The following ARID4A variants were observed in gnomAD, a reference collection of about 807,000 sequenced individuals.
The protein encoded by ARID4A is AT-rich interactive domain-containing protein 4A.
ARID4A carries 39 observed loss-of-function variants against 148.6 expected under a neutral mutation model. The observed-to-expected ratio is 0.26, with a 90% CI of 0.20 to 0.34. The LOEUF is 0.34. Among genes scored for constraint, ARID4A ranks in the 10% least tolerant of loss-of-function variants. The probability of loss-of-function intolerance (pLI) is 1.00; values close to 1 mark genes in which losing one functional copy is unlikely to be tolerated. For synonymous variants in ARID4A, 475 were observed against 481.2 expected (o/e 0.99, Z 0.17); for missense variants, 1,265 against 1,449.1 (o/e 0.87, Z 2.06).
At position 58,314,976 on chromosome 14, in the gene ARID4A, G is replaced by A. The variant is rs111506418; in HGVS notation, c.275-3566G>A. Among the ~76,000 whole-genome samples, 28 of 152,130 alleles carry A rather than the reference G, an allele frequency of 1.8e-4. 2 individuals carry two copies. The East Asian group carries it at 2.9e-3, about 16-fold the overall frequency. ...TCTACTAAAAATACAGAAGTTAGCC[G>A]GGCCTGGTGACGTGCACCTGTAATC... On this transcript the variant is annotated intron_variant, in intron 5 of 23. Coordinates refer to ENST00000355431, the MANE Select transcript of ARID4A (RefSeq NM_002892.4).
chr14:58,299,862 TA>T lies in ARID4A; in HGVS notation c.6+4del. The T allele has an allele frequency of 6.2e-7, 1 of 1,614,160 alleles. No homozygotes were observed. The highest frequency in any genetic ancestry group is 8.5e-7 in the Non-Finnish European group (1 of 1,180,016). On this transcript the variant is annotated splice_donor_region_variant and intron_variant, in intron 2 of 23. Coordinates refer to ENST00000355431, the MANE Select transcript of ARID4A (RefSeq NM_002892.4). ...CACAGATCACCAACAAAAATGAAGG[TA>T]AGTGGAGTCAACTCTGCCCCGATCC... is the stretch of plus-strand genomic sequence containing the variant.
At chr14:58,335,513 A>G (rs987313329) in intron 11 of ARID4A, among the ~76,000 whole-genome samples, 3 of 151,856 alleles carry the variant, frequency 2.0e-5, no homozygotes, top group Admixed American at 1.3e-4. Flanking sequence ...GGGTTTCTCC[A>G]TGTTGGTCAG....
intron 5 of ARID4A, among the ~76,000 whole-genome samples, chr14:58,312,175 C>G (rs2032089643): frequency 6.6e-6 from 1 of 151,646 alleles, no homozygotes. Context: ...ATACATATTT[C>G]AAAACATGTT....
Position 58,367,016 on chromosome 14 carries a change from GA to G in ARID4A, c.3660del (p.Asp1221ThrfsTer20). On this transcript the variant is annotated frameshift_variant, in exon 23 of 24. Coordinates refer to ENST00000355431, the MANE Select transcript of ARID4A (RefSeq NM_002892.4). LOFTEE classifies it high-confidence loss of function. ...IDRRRKRLKK[K>X]DREVSHAGAS... ...ACAGGAGGAGAAAAAGATTAAAAAA[GA>G]AAGACAGGGAAGGTAATTTTATTAT... 1 of 1,488,930 alleles carries G rather than the reference GA, an allele frequency of 6.7e-7. No homozygotes were observed. The highest frequency in any genetic ancestry group is 8.9e-7 in the Non-Finnish European group (1 of 1,125,488). 92.2% of individuals were successfully genotyped at this position (1,488,930 alleles called of 1,614,324 possible).
rs532444883 is a variant in ARID4A, at chr14:58,329,591, C to T, written c.726C>T (p.Leu242=). The change falls in exon 10 of 24, where the codon CTC becomes CTT. Residue 242 remains leucine, a synonymous_variant. Coordinates refer to ENST00000355431, the MANE Select transcript of ARID4A (RefSeq NM_002892.4). ...VDILNLPESE[L]STKPGLQKAS... is the part of the protein sequence containing the mutation. ...TTCTCAATCTACCGGAATCTGAGCT[C>T]TCCACTAAACCAGGTAAAATAAAGA... is the stretch of plus-strand genomic sequence containing the variant. The T allele has an allele frequency of 1.6e-4, 258 of 1,602,332 alleles. 4 individuals carry two copies. The South Asian group carries it at 2.7e-3, about 17-fold the overall frequency.
chr14:58,299,724 T>G, intron 1 of ARID4A, 74 bp from the exon 2 acceptor site: 34 of 1,319,206 alleles, frequency 2.6e-5, no homozygotes, highest in East Asian at 7.0e-5. Context: ...CTGGCGTTTG[T>G]TTACTTTCTT....
At chr14:58,353,930 G>A (rs1051705728) in intron 17 of ARID4A, 75 bp downstream of exon 17, 4 of 1,303,772 alleles carry the variant, frequency 3.1e-6, no homozygotes, top group African/African-American at 1.5e-5. Context: ...ATGTTATGAA[G>A]AGTGAAAGCA....
chr14:58,306,197 G>A (rs938405116), intron 5 of ARID4A, 85 bp downstream of exon 5: 2 of 961,712 alleles, frequency 2.1e-6, no homozygotes, highest in Non-Finnish European at 3.3e-6. Flanking sequence ...CATTGTGTTG[G>A]TGGAGAAATA....
chr14:58,306,572 G>T (rs1039050134), intron 5 of ARID4A, among the ~76,000 whole-genome samples: 1 of 152,088 alleles, frequency 6.6e-6, no homozygotes, highest in East Asian at 1.9e-4. Flanking sequence ...ATACAGTGTG[G>T]GTGCTCATAT....
At position 58,366,201 on chromosome 14, in the gene ARID4A, C is replaced by G; in HGVS notation, c.3494C>G (p.Pro1165Arg). The G allele has an allele frequency of 6.2e-7, 1 of 1,613,678 alleles. No individual in the cohort carries two copies. Among genetic ancestry groups the G allele is most frequent in the Non-Finnish European group, 8.5e-7 (1 of 1,179,704 alleles). Residue 1165 changes from proline (P) to arginine (R), a missense_variant, in exon 22 of 24, where the codon CCT (proline) becomes CGT (arginine). Transcript: ENST00000355431. Reference protein sequence around the residue: ...KHREKHPNSSPRTYKWSFQLN... With the variant: ...KHREKHPNSSRRTYKWSFQLN... Reference sequence around the variant, plus strand: ...AGAGAAAAACATCCGAATTCATCCCCTAGGACATATAAATGGAGCTTTCAG... The same window carrying G: ...AGAGAAAAACATCCGAATTCATCCCGTAGGACATATAAATGGAGCTTTCAG...
intron 2 of ARID4A, among the ~76,000 whole-genome samples, chr14:58,300,540 A>G (rs996746755): frequency 2.0e-5 from 3 of 152,106 alleles, no homozygotes; most frequent in Non-Finnish European, 4.4e-5. Flanking sequence ...TTGTAAATGC[A>G]CTTACTTTAA....
At chr14:58,362,230 C>T (rs2035162922) in intron 19 of ARID4A, among the ~76,000 whole-genome samples, 1 of 152,026 alleles carries the variant, frequency 6.6e-6, no homozygotes, top group African/African-American at 2.4e-5. Context: ...TATAGGTGAA[C>T]ATATTTTATT....
chr14:58,319,082 C>T (rs944422522), intron 7 of ARID4A, among the ~76,000 whole-genome samples: 6 of 152,218 alleles, frequency 3.9e-5, no homozygotes, highest in East Asian at 1.9e-4. Flanking sequence ...TTTTTTGAGA[C>T]GGAGTCTCGC....
At chr14:58,306,177 T>TA in intron 5 of ARID4A, 65 bp downstream of exon 5, 1 of 1,114,210 alleles carries the variant, frequency 9.0e-7, no homozygotes, top group South Asian at 1.3e-5. Flanking sequence ...GTTTTGTGGA[T>TA]ACACTGAATC....
chr14:58,306,994 T>C (rs1202506175), intron 5 of ARID4A, among the ~76,000 whole-genome samples: 1 of 152,248 alleles, frequency 6.6e-6, no homozygotes. Context: ...ATTGTATTAA[T>C]AGTGAGAAGC....
At position 58,318,797 on chromosome 14, in the gene ARID4A, T is replaced by C; in HGVS notation, c.441T>C (p.Ser147=). ...AKKTNRGRRS[S]LPVTEDEKEE... is the part of the protein sequence containing the mutation. ...AGACGAACAGAGGAAGGAGATCTTC[T>C]CTTCCTGTGTGAGTTTTTTCATATA... Residue 147 remains serine (S), a synonymous_variant, in exon 7 of 24, where the codon TCT becomes TCC. Coordinates refer to ENST00000355431, the MANE Select transcript of ARID4A (RefSeq NM_002892.4). The C allele has an allele frequency of 6.2e-7, 1 of 1,611,152 alleles. No individual in the cohort carries two copies. The highest frequency in any genetic ancestry group is 8.5e-7 in the Non-Finnish European group (1 of 1,177,434).
chr14:58,307,381 A>G (rs1484268771), intron 5 of ARID4A, among the ~76,000 whole-genome samples: 5 of 152,184 alleles, frequency 3.3e-5, no homozygotes, highest in East Asian at 1.9e-4. Flanking sequence ...AGTAGTACCA[A>G]TTTGCTGTGT....
intron 2 of ARID4A, 52 bp downstream of exon 2, chr14:58,299,912 C>T (rs760443704): frequency 6.2e-6 from 10 of 1,610,778 alleles, no homozygotes; most frequent in Non-Finnish European, 7.6e-6. Flanking sequence ...ACTGCCAATC[C>T]TAAGGCTAGT....
intron 7 of ARID4A, among the ~76,000 whole-genome samples, chr14:58,319,841 C>T (rs775815827): frequency 9.2e-5 from 14 of 151,608 alleles, no homozygotes; most frequent in South Asian, 2.1e-4. Context: ...GCCACTGCAC[C>T]TGGCCTAATG....
Sources: gnomAD v4.1 joint callset for allele counts (sites outside exome capture counted in the v4.1 genomes callset) on GRCh38, gnomAD v4.1.1 for gene constraint, MANE v1.5 for transcripts, NCBI Gene and HGNC (gene_info 2026-07-23, HGNC 2026-07-21) for gene names.